CD248: variants seen among roughly 807,000 people sequenced by gnomAD.
CD248 encodes the protein CD248 molecule, also known as endosialin.
Under a neutral mutation model 8.0 loss-of-function variants are expected in CD248, and 7 were observed. The observed-to-expected ratio is 0.88, with a 90% confidence interval of 0.50 to 1.64. The LOEUF is 1.64. CD248 is among the 40% of genes most tolerant of loss of function. The pLI is 0.00. For synonymous variants in CD248, 418 were observed against 437.1 expected (o/e 0.96, Z 0.54); for missense variants, 912 against 1,027.2 (o/e 0.89, Z 1.53).
chr11:66,314,939 C>T lies in CD248; in HGVS notation c.2089G>A (p.Val697Ile), dbSNP rs765121749. 2 of 1,613,430 alleles carry T rather than the reference C, an allele frequency of 1.2e-6. No homozygotes were observed. The highest frequency in any genetic ancestry group is 1.1e-5 in the South Asian group (1 of 91,064). Reference sequence around the variant, plus strand: ...AGTGCAAGCAGGACCACCAAAAAGACACACGTTGGCACCAGGAGTGCCACC... The same window carrying T: ...AGTGCAAGCAGGACCACCAAAAAGATACACGTTGGCACCAGGAGTGCCACC... ...LLVALLVPTC[V>I]FLVVLLALGI... Residue 697 changes from valine (V) to isoleucine (I), a missense_variant, in exon 1 of 1, where the codon GTC becomes ATC. Around this residue, in one of 3 missense-constraint regions of CD248, gnomAD observed 507 missense variants for 562.2 expected, o/e 0.90. Transcript: ENST00000311330. This position sits in a 1 kb window ranked among gnomAD's most constrained non-coding sequence, Gnocchi z 4.0.
chr11:66,316,808 C>T lies in CD248; in HGVS notation c.220G>A (p.Val74Met). The T allele has an allele frequency of 1.3e-6, 2 of 1,584,256 alleles. No homozygotes were observed. The highest frequency in any genetic ancestry group is 1.7e-6 in the Non-Finnish European group (2 of 1,172,238). The change falls in exon 1 of 1, where the codon GTG becomes ATG. Residue 74 changes from valine to methionine, a missense_variant. Physicochemically the swap from Val to Met is conservative, Grantham distance 21 (BLOSUM62 1). Around this residue, in one of 3 missense-constraint regions of CD248, gnomAD observed 403 missense variants for 446.2 expected, o/e 0.90. Coordinates refer to ENST00000311330, the MANE Select transcript of CD248 (RefSeq NM_020404.3). ...PEEAQRVDSL[V>M]GAGPASRLLW... The stretch of plus-strand genomic sequence containing the variant: ...AGCCGGCTGGCTGGGCCCGCACCCA[C>T]CAGGCTGTCCACACGCTGGGCCTCC...
chr11:66,314,856 G>A lies in CD248; in HGVS notation c.2172C>T (p.Asp724=), dbSNP rs1451869161. The change falls in exon 1 of 1, where the codon GAC becomes GAT. Residue 724 remains aspartate (D), a synonymous_variant. Transcript: ENST00000311330. The surrounding 1 kb of genome is among the most constrained non-coding windows in gnomAD (Gnocchi z 4.0). Reference sequence around the variant, plus strand: ...CAGCATGGATGACCCAGCGATAGCAGTCAGTGATGCGCTTGTTGGGTGCAT... The same window carrying A: ...CAGCATGGATGACCCAGCGATAGCAATCAGTGATGCGCTTGTTGGGTGCAT... ...GPHAPNKRIT[D]CYRWVIHAGS... is the part of the protein sequence containing the mutation. 2 of 1,601,506 alleles carry A rather than the reference G, an allele frequency of 1.2e-6. No homozygotes were observed. Among genetic ancestry groups the A allele is most frequent in the Non-Finnish European group, 1.7e-6 (2 of 1,174,832 alleles).
At position 66,315,210 on chromosome 11, in the gene CD248, G is replaced by C; in HGVS notation, c.1818C>G (p.Ile606Met). 1.3e-6 allele frequency: 2 copies of C among 1,529,380 alleles called. No individual in the cohort carries two copies. Among genetic ancestry groups the C allele is most frequent in the Non-Finnish European group, 1.8e-6 (2 of 1,141,378 alleles). The allele number at this position is 1,529,380 out of a possible 1,614,324, so 94.7% of individuals were successfully genotyped here. Residue 606 changes from isoleucine (I) to methionine (M), a missense_variant, in exon 1 of 1, where the codon ATC becomes ATG. This residue lies in a region of CD248 where 507 missense variants were observed against 562.2 expected (regional missense o/e 0.90). Coordinates refer to ENST00000311330, the MANE Select transcript of CD248 (RefSeq NM_020404.3). The surrounding 1 kb of genome is among the most constrained non-coding windows in gnomAD (Gnocchi z 4.3). ...CGGGCTGGGTGGCAGCAGGCACAGAGATTTGATGGGCAGGAGACACAGGGG... is the reference window on the plus strand; with the variant it reads ...CGGGCTGGGTGGCAGCAGGCACAGACATTTGATGGGCAGGAGACACAGGGG... ...SRSPVSPAHQ[I>M]SVPAATQPAA...
In CD248 at chr11:66,314,898, G is replaced by A; in HGVS notation, c.2130C>T (p.Cys710=). The A allele has an allele frequency of 3.1e-6, 5 of 1,612,456 alleles. No homozygotes were observed. In the South Asian group the frequency reaches 4.4e-5, roughly 14 times the overall value. ...TGGGTGCATGGGGGCCACAGCGGGT[G>A]CAGTACACGATGCCCAGTGCAAGCA... The part of the protein sequence containing the change: ...VVLLALGIVY[C]TRCGPHAPNK... Residue 710 remains cysteine, a synonymous_variant, in exon 1 of 1, where the codon TGC becomes TGT. Transcript: ENST00000311330. This position sits in a 1 kb window ranked among gnomAD's most constrained non-coding sequence, Gnocchi z 4.0.
At position 66,316,102 on chromosome 11, in the gene CD248, C is replaced by A. The variant is rs191098817; in HGVS notation, c.926G>T (p.Arg309Leu). The A allele has an allele frequency of 3.6e-5, 58 of 1,613,554 alleles. No individual in the cohort carries two copies. The highest frequency in any genetic ancestry group is 5.3e-5 in the African/African-American group (4 of 75,060). The change falls in exon 1 of 1, where the codon CGC (arginine) becomes CTC (leucine). Residue 309 changes from arginine to leucine, a missense_variant. Physicochemically the swap from Arg to Leu is moderately radical, Grantham distance 102. Coordinates refer to ENST00000311330, the MANE Select transcript of CD248 (RefSeq NM_020404.3). ...CTGGCACTCATCTGTGTCCACACAGCGGTGCGGATCATCCTCCGCTGGCCG... is the reference window on the plus strand; with the variant it reads ...CTGGCACTCATCTGTGTCCACACAGAGGTGCGGATCATCCTCCGCTGGCCG... Reference protein sequence around the residue: ...GFRPAEDDPHRCVDTDECQIA... With the variant: ...GFRPAEDDPHLCVDTDECQIA...
At position 66,314,553 on chromosome 11, in the gene CD248, G is replaced by A; in HGVS notation, c.*201C>T. On this transcript the variant is annotated 3_prime_UTR_variant, in exon 1 of 1. Transcript: ENST00000311330. The surrounding 1 kb of genome is among the most constrained non-coding windows in gnomAD (Gnocchi z 4.0). ...AGCACCCGCCCCCTGAGGTCTTAAG[G>A]GCTTTGGTGTATCCTTGGTCACGAG... 1 of 568,458 alleles carries A rather than the reference G, an allele frequency of 1.8e-6. No individual in the cohort carries two copies. The highest frequency in any genetic ancestry group is 2.4e-5 in the South Asian group (1 of 41,670). 35.2% of individuals were successfully genotyped at this position (568,458 alleles called of 1,614,324 possible).
Position 66,315,057 on chromosome 11 carries a change from C to A in CD248, c.1971G>T (p.Leu657=). ...CTGTGGGAGCTGGTGAGGGCAGCCA[C>A]AGGGCCAACTTGGGACTGGGGCCAT... ...REDGPSPKLA[L]WLPSPAPTAA... The change falls in exon 1 of 1, where the codon CTG becomes CTT. Residue 657 remains leucine, a synonymous_variant. Transcript: ENST00000311330. The surrounding 1 kb of genome is among the most constrained non-coding windows in gnomAD (Gnocchi z 4.3). The A allele has an allele frequency of 6.3e-7, 1 of 1,580,454 alleles. No individual in the cohort carries two copies. Among genetic ancestry groups the A allele is most frequent in the Non-Finnish European group, 8.6e-7 (1 of 1,162,110 alleles).
In CD248 at chr11:66,314,510, T is replaced by G; in HGVS notation, c.*244A>C. On this transcript the variant is annotated 3_prime_UTR_variant, in exon 1 of 1. Transcript: ENST00000311330. The surrounding 1 kb of genome is among the most constrained non-coding windows in gnomAD (Gnocchi z 4.0). ...AGCCTTGGGTAAGGTTGACACCCCA[T>G]TTATTGGAGAAGACCCCAGCACCCG... 33 of 465,882 alleles carry G rather than the reference T, an allele frequency of 7.1e-5. No homozygotes were observed. The highest frequency in any genetic ancestry group is 1.6e-4 in the East Asian group (5 of 30,540). The allele number at this position is 465,882 out of a possible 1,614,324, so 28.9% of individuals were successfully genotyped here.
Position 66,315,462 on chromosome 11 carries a change from C to G in CD248, c.1566G>C (p.Pro522=). The change falls in exon 1 of 1, where the codon CCG becomes CCC. Residue 522 remains proline, a synonymous_variant. Coordinates refer to ENST00000311330, the MANE Select transcript of CD248 (RefSeq NM_020404.3). This position sits in a 1 kb window ranked among gnomAD's most constrained non-coding sequence, Gnocchi z 4.3. ...GGGACTGGTGGGCAGGGAAGAGCTC[C>G]GGATATTTGGTTGAGATCATAGGGG... ...HQPPMISTKY[P]ELFPAHQSPM... The G allele has an allele frequency of 1.9e-6, 3 of 1,613,016 alleles. No homozygotes were observed. The highest frequency in any genetic ancestry group is 2.5e-6 in the Non-Finnish European group (3 of 1,179,770).
At position 66,316,587 on chromosome 11, in the gene CD248, G is replaced by A. The variant is rs766561367; in HGVS notation, c.441C>T (p.Cys147=). 1.2e-5 allele frequency: 20 copies of A among 1,601,346 alleles called. No homozygotes were observed. The African/African-American group carries it at 2.7e-4, about 21-fold the overall frequency. The change falls in exon 1 of 1, where the codon TGC becomes TGT. Residue 147 remains cysteine (C), a synonymous_variant. Transcript: ENST00000311330. ...SGEHRWLEGS[C]TLAVDGYLCQ... is the part of the protein sequence containing the mutation. Reference sequence around the variant, plus strand: ...ACAGGTAGCCGTCGACAGCCAGCGTGCACGAGCCCTCCAGCCAGCGGTGCT... The same window carrying A: ...ACAGGTAGCCGTCGACAGCCAGCGTACACGAGCCCTCCAGCCAGCGGTGCT...
chr11:66,315,452 G>A lies in CD248; in HGVS notation c.1576C>T (p.Pro526Ser), dbSNP rs1180383744. 1.2e-6 allele frequency: 2 copies of A among 1,613,728 alleles called. No homozygotes were observed. Among genetic ancestry groups the A allele is most frequent in the Non-Finnish European group, 1.7e-6 (2 of 1,179,932 alleles). Reference protein sequence around the residue: ...MISTKYPELFPAHQSPMFPDT... With the variant: ...MISTKYPELFSAHQSPMFPDT... The stretch of plus-strand genomic sequence containing the variant: ...GGAAACATGGGGGACTGGTGGGCAG[G>A]GAAGAGCTCCGGATATTTGGTTGAG... Residue 526 changes from proline (P) to serine (S), a missense_variant, in exon 1 of 1, where the codon CCT becomes TCT. Transcript: ENST00000311330. The surrounding 1 kb of genome is among the most constrained non-coding windows in gnomAD (Gnocchi z 4.3).
Position 66,316,917 on chromosome 11 carries a change from G to A in CD248, c.111C>T (p.Leu37=), listed in dbSNP as rs1402811012. 3 of 1,560,432 alleles carry A rather than the reference G, an allele frequency of 1.9e-6. No homozygotes were observed. Among genetic ancestry groups the A allele is most frequent in the East Asian group, 2.3e-5 (1 of 42,832 alleles). ...AACGPSSCYA[L]FPRRRTFLEA... ...CCAGGAAGGTGCGGCGCCGTGGGAA[G>A]AGAGCGTAGCAGCTGCTGGGGCCGC... is the stretch of plus-strand genomic sequence containing the variant. The change falls in exon 1 of 1, where the codon CTC becomes CTT. Residue 37 remains leucine, a synonymous_variant. Transcript: ENST00000311330.
Sources: allele counts gnomAD v4.1 joint callset, GRCh38; gene constraint gnomAD v4.1.1; regional missense constraint gnomAD v4.1.1; non-coding constraint Gnocchi (gnomAD v3.1); transcripts MANE v1.5; gene names NCBI Gene and HGNC (gene_info 2026-07-23, HGNC 2026-07-21).